GJD4: variants seen among roughly 807,000 people sequenced by gnomAD.
The protein encoded by GJD4 is gap junction delta-4 protein.
Under a neutral mutation model 17.9 loss-of-function variants are expected in GJD4, and 18 were observed. That is an observed-to-expected ratio of 1.00 (90% CI 0.69 to 1.49). GJD4 has a LOEUF of 1.49. Ranked by LOEUF, GJD4 falls within the 40% of genes most tolerant of loss-of-function variation. GJD4 has a pLI of 0.00. For missense variants in GJD4, 639 were observed against 506.9 expected (o/e 1.26, Z -2.50); for synonymous variants, 293 against 236.8 (o/e 1.24, Z -2.18).
At chr10:35,607,413 C>T (rs1450809385) in intron 1 of GJD4, 165 bp from the exon 2 acceptor site, 21 of 633,614 alleles carry the variant, frequency 3.3e-5, no homozygotes, top group Non-Finnish European at 5.8e-5. Flanking sequence ...TAGCACGACC[C>T]TGTGTCCAAC....
Position 35,608,225 on chromosome 10 carries a change from A to T in GJD4, c.712A>T (p.Lys238Ter). The part of the protein sequence containing the change: ...PGPPTSPSIR[K>*]QSGASGHAEG... ...ACCCCCCACAAGCCCCTCCATCCGG[A>T]AGCAGAGCGGAGCCTCAGGCCACGC... The change falls in exon 2 of 2, where the codon AAG becomes TAG. Residue 238 changes from lysine (K) to a stop codon, truncating the protein, a stop_gained. Coordinates refer to ENST00000321660, the MANE Select transcript of GJD4 (RefSeq NM_153368.3). LOFTEE classifies it high-confidence loss of function. The T allele has an allele frequency of 6.3e-7, 1 of 1,587,510 alleles. No individual in the cohort carries two copies. The highest frequency in any genetic ancestry group is 8.5e-7 in the Non-Finnish European group (1 of 1,172,462).
rs566875947 is a variant in GJD4 at position 35,607,293 on chromosome 10, T to C, written c.65-285T>C. 1.1e-3 allele frequency: 536 copies of C among 476,592 alleles called. 3 individuals are homozygous for C. Among genetic ancestry groups the C allele is most frequent in the African/African-American group, 9.5e-3 (491 of 51,440 alleles). The allele number at this position is 476,592 out of a possible 1,614,324, so 29.5% of individuals were successfully genotyped here. On this transcript the variant is annotated intron_variant, in intron 1 of 1. Transcript: ENST00000321660. ...CAAATGAACTACCTGATGCTGTGAG[T>C]AAAGACAAGCTGACAGGTGTGGTGG...
In GJD4 at chr10:35,608,414, T is replaced by TC. The variant is rs1564471282; in HGVS notation, c.903dup (p.Ala302ArgfsTer50). On this transcript the variant is annotated frameshift_variant, in exon 2 of 2. Coordinates refer to ENST00000321660, the MANE Select transcript of GJD4 (RefSeq NM_153368.3). LOFTEE classifies it high-confidence loss of function. ...TGAGGATGAGAGTGAGGTGACATCC[T>TC]CCGCCAGCGAAAAGCTGGGCAGACA... is the stretch of plus-strand genomic sequence containing the variant. 7.7e-6 allele frequency: 12 copies of TC among 1,549,236 alleles called. No homozygotes were observed. The highest frequency in any genetic ancestry group is 1.0e-5 in the Non-Finnish European group (12 of 1,146,938).
At chr10:35,607,522 T>C in intron 1 of GJD4, 56 bp from the exon 2 acceptor site, 2 of 1,181,424 alleles carry the variant, frequency 1.7e-6, no homozygotes, top group Non-Finnish European at 2.5e-6. Context: ...TTTAAAGCTG[T>C]TACTCAGGGC....
rs1275571828 is a variant in GJD4 at position 35,608,050 on chromosome 10, G to A, written c.537G>A (p.Pro179=). 1.2e-6 allele frequency: 2 copies of A among 1,610,126 alleles called. No individual in the cohort carries two copies. Among genetic ancestry groups the A allele is most frequent in the Admixed American group, 1.7e-5 (1 of 59,774 alleles). The change falls in exon 2 of 2, where the codon CCG becomes CCA. Residue 179 remains proline (P), a synonymous_variant. Transcript: ENST00000321660. ...APKKFPCTRP[P]CTGVVDCYVS... is the part of the protein sequence containing the mutation. ...AGAAGTTCCCTTGCACGCGCCCTCC[G>A]TGCACGGGCGTGGTGGACTGCTACG...
In GJD4 at chr10:35,608,498, GAGCAGCCCTC is replaced by G. The variant is rs1416085610; in HGVS notation, c.994_1003del (p.Ser332ProfsTer28). 1.9e-6 allele frequency: 3 copies of G among 1,550,056 alleles called. No individual in the cohort carries two copies. Among genetic ancestry groups the G allele is most frequent in the Admixed American group, 2.0e-5 (1 of 51,012 alleles). ...GGACCCCAGGGGCTCAGGATCCGAG[GAGCAGCCCTC>G]AGCAGCCCCCAGCCGCCTGGCCGCG... On this transcript the variant is annotated frameshift_variant, in exon 2 of 2. Coordinates refer to ENST00000321660, the MANE Select transcript of GJD4 (RefSeq NM_153368.3). LOFTEE classifies it high-confidence loss of function.
intron 1 of GJD4, chr10:35,607,083 A>G (rs1467589441): frequency 6.5e-6 from 1 of 154,172 alleles, no homozygotes; most frequent in Non-Finnish European, 1.4e-5. Flanking sequence ...AGAAAATTTA[A>G]ATCTTATTTA....
In GJD4 at chr10:35,607,865, G is replaced by A; in HGVS notation, c.352G>A (p.Ala118Thr). 2 of 1,597,734 alleles carry A rather than the reference G, an allele frequency of 1.3e-6. No individual in the cohort carries two copies. The highest frequency in any genetic ancestry group is 1.7e-6 in the Non-Finnish European group (2 of 1,177,062). Residue 118 changes from alanine to threonine, a missense_variant, in exon 2 of 2, where the codon GCC becomes ACC. Transcript: ENST00000321660. ...CCGCTGCCCCGACCCCCGGGAGCCG[G>A]CCTCCGGGCAGAGACGCTGCCCGCG... Reference protein sequence around the residue: ...PRRCPDPREPASGQRRCPRPF... With the variant: ...PRRCPDPREPTSGQRRCPRPF...
chr10:35,608,081 C>T lies in GJD4; in HGVS notation c.568C>T (p.Arg190Trp), dbSNP rs974846535. The change falls in exon 2 of 2, where the codon CGG becomes TGG. Residue 190 changes from arginine (R) to tryptophan (W), a missense_variant. Physicochemically the swap from Arg to Trp is moderately radical, Grantham distance 101 (BLOSUM62 -3). Coordinates refer to ENST00000321660, the MANE Select transcript of GJD4 (RefSeq NM_153368.3). ...GGGCGTGGTGGACTGCTACGTGTCG[C>T]GGCCCACAGAGAAGTCCCTGCTGAT... The part of the protein sequence containing the change: ...CTGVVDCYVS[R>W]PTEKSLLMLF... 2 of 1,608,476 alleles carry T rather than the reference C, an allele frequency of 1.2e-6. No individual in the cohort carries two copies. Among genetic ancestry groups the T allele is most frequent in the Non-Finnish European group, 8.5e-7 (1 of 1,177,598 alleles).
Position 35,607,953 on chromosome 10 carries a change from T to C in GJD4, c.440T>C (p.Leu147Pro), listed in dbSNP as rs753333160. 11 of 1,609,892 alleles carry C rather than the reference T, an allele frequency of 6.8e-6. No homozygotes were observed. The East Asian group carries it at 2.5e-4, about 36-fold the overall frequency. ...PDFSAGYIIH[L>P]LLRTLLEAAF... ...TTTTCGGCCGGCTACATCATCCACC[T>C]CCTCCTCCGGACCCTGCTGGAGGCA... Residue 147 changes from leucine (L) to proline (P), a missense_variant, in exon 2 of 2, where the codon CTC becomes CCC. Leu to Pro is a moderately conservative substitution (Grantham distance 98). Transcript: ENST00000321660.
At position 35,608,277 on chromosome 10, in the gene GJD4, G is replaced by A. The variant is rs192362407; in HGVS notation, c.764G>A (p.Gly255Asp). The change falls in exon 2 of 2, where the codon GGT (glycine) becomes GAT (aspartate). Residue 255 changes from glycine (G) to aspartate (D), a missense_variant. Transcript: ENST00000321660. ...GAGGGACGCCGGACTGACGAGGAGG[G>A]TGGGCGGGAGGAAGAGGGGGCACCG... Reference protein sequence around the residue: ...HAEGRRTDEEGGREEEGAPAP... With the variant: ...HAEGRRTDEEDGREEEGAPAP... 2.6e-4 allele frequency: 403 copies of A among 1,562,518 alleles called. 2 individuals are homozygous for A. In the East Asian group the frequency reaches 9.0e-3, roughly 35 times the overall value.
Sources: gnomAD v4.1 joint callset for allele counts on GRCh38, gnomAD v4.1.1 for gene constraint, MANE v1.5 for transcripts, NCBI Gene and HGNC (gene_info 2026-07-23, HGNC 2026-07-21) for gene names.